KLHL38: variants seen among roughly 807,000 people sequenced by gnomAD.
KLHL38 encodes kelch like family member 38, also known as kelch-like protein 38.
A neutral mutation model predicts 39.6 loss-of-function variants in KLHL38; 38 were observed. The ratio of observed to expected loss-of-function variants is 0.96; its 90% CI spans 0.74 to 1.26. The LOEUF is 1.26. KLHL38 is among the 50% of genes most tolerant of loss of function. The probability of loss-of-function intolerance (pLI) is 0.00; values close to 1 mark genes in which losing one functional copy is unlikely to be tolerated. For missense variants in KLHL38, 803 were observed against 748.1 expected, an observed-to-expected ratio of 1.07 and a Z score of -0.86; for synonymous variants, 322 against 302.2, an observed-to-expected ratio of 1.07 and a Z score of -0.68.
intron 2 of KLHL38, 28 bp from the exon 3 acceptor site, chr8:123,647,042 G>A (rs747814242): frequency 8.3e-7 from 1 of 1,208,550 alleles, no homozygotes; most frequent in East Asian, 2.3e-5. Context: ...TCATGGCACT[G>A]CATTTTAAAG....
In KLHL38 at chr8:123,652,401, A is replaced by T; in HGVS notation, c.526T>A (p.Cys176Ser). Residue 176 changes from cysteine to serine, a missense_variant, in exon 2 of 4, where the codon TGT becomes AGT. Coordinates refer to ENST00000684634, the MANE Select transcript of KLHL38 (RefSeq NM_001081675.3). Reference sequence around the variant, plus strand: ...AGATAGTCCCTCAACTCCAAGGCACAGAGCTCCTTCAGGTCGGCCGATGCG... The same window carrying T: ...AGATAGTCCCTCAACTCCAAGGCACTGAGCTCCTTCAGGTCGGCCGATGCG... Reference protein sequence around the residue: ...VAASADLKELCALELRDYLGD... With the variant: ...VAASADLKELSALELRDYLGD... 1 of 1,614,088 alleles carries T rather than the reference A, an allele frequency of 6.2e-7. No homozygotes were observed. Among genetic ancestry groups the T allele is most frequent in the Non-Finnish European group, 8.5e-7 (1 of 1,180,028 alleles).
At position 123,645,459 on chromosome 8, in the gene KLHL38, G is replaced by C; in HGVS notation, c.*280C>G. 1 of 453,506 alleles carries C rather than the reference G, an allele frequency of 2.2e-6. No homozygotes were observed. The highest frequency in any genetic ancestry group is 3.8e-5 in the South Asian group (1 of 26,070). The allele number at this position is 453,506 out of a possible 1,614,324, so 28.1% of individuals were successfully genotyped here. A position where few individuals can be genotyped will look rare whatever the true frequency, so the allele number is the denominator to read the frequency against. On this transcript the variant is annotated 3_prime_UTR_variant, in exon 4 of 4. Coordinates refer to ENST00000684634, the MANE Select transcript of KLHL38 (RefSeq NM_001081675.3). ...CTCAAAAAAAAGAAAAAGAGAGAGA[G>C]AGAGAGAGAGAGAGAGAGAGACAGA...
In KLHL38 at chr8:123,652,774, C is replaced by A. The variant is rs1563594330; in HGVS notation, c.153G>T (p.Val51=). The A allele has an allele frequency of 6.2e-7, 1 of 1,614,140 alleles. No homozygotes were observed. ...GAREIPCHRN[V]LASSSPYFRA... ...TGAAGTAGGGGCTGCTGGAGGCCAG[C>A]ACGTTGCGGTGGCAGGGGATCTCCC... is the stretch of plus-strand genomic sequence containing the variant. The change falls in exon 2 of 4, where the codon GTG becomes GTT. Residue 51 remains valine, a synonymous_variant. Coordinates refer to ENST00000684634, the MANE Select transcript of KLHL38 (RefSeq NM_001081675.3).
chr8:123,651,789 C>A lies in KLHL38; in HGVS notation c.1138G>T (p.Ala380Ser), dbSNP rs1812650605. The part of the protein sequence containing the change: ...LVARYSHRST[A>S]HKNFIFSIGG... ...ATGGAGAAGATGAAGTTCTTATGGG[C>A]AGTGCTTCTGTGGGAGTAGCGGGCC... Residue 380 changes from alanine (A) to serine (S), a missense_variant, in exon 2 of 4, where the codon GCC becomes TCC. Physicochemically the swap from Ala to Ser is moderately conservative, Grantham distance 99 (BLOSUM62 1). Transcript: ENST00000684634. The A allele has an allele frequency of 6.2e-7, 1 of 1,613,992 alleles. No homozygotes were observed. The highest frequency in any genetic ancestry group is 1.3e-5 in the African/African-American group (1 of 74,930).
intron 2 of KLHL38, among the ~76,000 whole-genome samples, chr8:123,648,511 C>T (rs1395179444): frequency 2.0e-5 from 3 of 152,178 alleles, no homozygotes; most frequent in Non-Finnish European, 2.9e-5. Context: ...AAAGTGGGAT[C>T]CTTGGAAGAA....
rs1812676786 is a variant in KLHL38 at position 123,652,670 on chromosome 8, T to C, written c.257A>G (p.Asp86Gly). The change falls in exon 2 of 4, where the codon GAC becomes GGC. Residue 86 changes from aspartate (D) to glycine (G), a missense_variant. Asp to Gly is a moderately conservative substitution (Grantham distance 94, BLOSUM62 -1). Coordinates refer to ENST00000684634, the MANE Select transcript of KLHL38 (RefSeq NM_001081675.3). ...CGTATACACGTAGGAGACGATCTGG[T>C]CCAGGGTTGGGGGGTCAATGCCTTT... ...QLKGIDPPTL[D>G]QIVSYVYTGE... is the part of the protein sequence containing the mutation. 2.5e-6 allele frequency: 4 copies of C among 1,614,078 alleles called. No individual in the cohort carries two copies. Among genetic ancestry groups the C allele is most frequent in the Non-Finnish European group, 3.4e-6 (4 of 1,180,040 alleles).
In KLHL38 at chr8:123,651,784, A is replaced by G; in HGVS notation, c.1143T>C (p.His381=). The change falls in exon 2 of 4, where the codon CAT becomes CAC. Residue 381 remains histidine, a synonymous_variant. Transcript: ENST00000684634. The part of the protein sequence containing the change: ...VARYSHRSTA[H]KNFIFSIGGI... ...CCCCGATGGAGAAGATGAAGTTCTT[A>G]TGGGCAGTGCTTCTGTGGGAGTAGC... The G allele has an allele frequency of 1.2e-6, 2 of 1,614,138 alleles. No homozygotes were observed. The highest frequency in any genetic ancestry group is 8.5e-7 in the Non-Finnish European group (1 of 1,180,026).
Position 123,645,481 on chromosome 8 carries a change from C to T in KLHL38, c.*258G>A, listed in dbSNP as rs865817009. On this transcript the variant is annotated 3_prime_UTR_variant, in exon 4 of 4. Transcript: ENST00000684634. ...AGAGAGAGAGAGAGAGAGAGAGAGA[C>T]AGACAGAGATAGGGGAGAGAAAGAA... 1 of 416,376 alleles carries T rather than the reference C, an allele frequency of 2.4e-6. No homozygotes were observed. Among genetic ancestry groups the T allele is most frequent in the Non-Finnish European group, 4.0e-6 (1 of 250,266 alleles). 25.8% of individuals were successfully genotyped at this position (416,376 alleles called of 1,614,324 possible).
chr8:123,646,854 TCCATAGAAGG>T, intron 3 of KLHL38, 45 bp downstream of exon 3: 6 of 1,235,568 alleles, frequency 4.9e-6, no homozygotes, highest in Middle Eastern at 1.9e-4. Context: ...TGACCTTTTT[TCCATAGAAGG>T]TGCCAAGTTT....
rs774943012 is a variant in KLHL38, at chr8:123,646,046, C to T, written c.1457-18G>A. 1 of 1,611,658 alleles carries T rather than the reference C, an allele frequency of 6.2e-7. No individual in the cohort carries two copies. The highest frequency in any genetic ancestry group is 8.5e-7 in the Non-Finnish European group (1 of 1,177,852). On this transcript the variant is annotated intron_variant, in intron 3 of 3. Coordinates refer to ENST00000684634, the MANE Select transcript of KLHL38 (RefSeq NM_001081675.3). ...TGTGTAACCTGAAAACCAAATGACA[C>T]ATGGGCAAGCTCAGTGTTGCTCATC... is the stretch of plus-strand genomic sequence containing the variant.
At chr8:123,647,950 G>A (rs1818690758) in intron 2 of KLHL38, among the ~76,000 whole-genome samples, 1 of 152,060 alleles carries the variant, frequency 6.6e-6, no homozygotes, top group Non-Finnish European at 1.5e-5. Context: ...GTGTGGTAGT[G>A]CATGCCTGTA....
At chr8:123,650,278 G>T (rs1055983439) in intron 2 of KLHL38, among the ~76,000 whole-genome samples, 1 of 151,974 alleles carries the variant, frequency 6.6e-6, no homozygotes, top group African/African-American at 2.4e-5. Flanking sequence ...CACACATAAA[G>T]CACACTAACA....
chr8:123,647,009 A>G lies in KLHL38; in HGVS notation c.1356T>C (p.Tyr452=). The part of the protein sequence containing the change: ...MQNPVRLIQV[Y]HISRNSWFKM... ...TGAACCACGAGTTTCTGGAAATGTG[A>G]TAAACCTGAGGGAGAGAGAGAATCA... is the stretch of plus-strand genomic sequence containing the variant. Residue 452 remains tyrosine (Y), a synonymous_variant, in exon 3 of 4, where the codon TAT becomes TAC. Coordinates refer to ENST00000684634, the MANE Select transcript of KLHL38 (RefSeq NM_001081675.3). 1 of 1,581,950 alleles carries G rather than the reference A, an allele frequency of 6.3e-7. No individual in the cohort carries two copies. The highest frequency in any genetic ancestry group is 8.7e-7 in the Non-Finnish European group (1 of 1,151,214).
Position 123,645,583 on chromosome 8 carries a change from C to T in KLHL38, c.*156G>A. On this transcript the variant is annotated 3_prime_UTR_variant, in exon 4 of 4. Coordinates refer to ENST00000684634, the MANE Select transcript of KLHL38 (RefSeq NM_001081675.3). ...GAGGCAGAGAAGGAGAGAGAGAGTT[C>T]TGGCAATGCAATGCCTAGTTCCAGG... The T allele has an allele frequency of 3.0e-6, 2 of 672,272 alleles. No individual in the cohort carries two copies. The highest frequency in any genetic ancestry group is 5.1e-6 in the Non-Finnish European group (2 of 395,042). The allele number at this position is 672,272 out of a possible 1,614,324, so 41.6% of individuals were successfully genotyped here.
intron 1 of KLHL38, 135 bp from the exon 2 acceptor site, chr8:123,653,062 C>T (rs1812689551): frequency 1.1e-6 from 1 of 870,054 alleles, no homozygotes; most frequent in Non-Finnish European, 1.7e-6. Context: ...GCGGATGTCA[C>T]CATGGATATT....
Position 123,645,964 on chromosome 8 carries a change from C to T in KLHL38, c.1521G>A (p.Met507Ile). ...CCCCATGGTGCATCCTCCGGTCTTT[C>T]ATGTCCGCACATTTGACAAATTTGT... ...QSNKFVKCAD[M>I]KDRRMHHGAT... Residue 507 changes from methionine (M) to isoleucine (I), a missense_variant, in exon 4 of 4, where the codon ATG becomes ATA. Coordinates refer to ENST00000684634, the MANE Select transcript of KLHL38 (RefSeq NM_001081675.3). 1 of 1,614,140 alleles carries T rather than the reference C, an allele frequency of 6.2e-7. No homozygotes were observed.
Position 123,645,150 on chromosome 8 carries a change from G to C in KLHL38, c.*589C>G, listed in dbSNP as rs540748452. ...AGAGAGACAGAAACTGAGACAGAAA[G>C]GAGACAGGCCAGGCGTGGTGGCTCA... is the stretch of plus-strand genomic sequence containing the variant. On this transcript the variant is annotated 3_prime_UTR_variant, in exon 4 of 4. Coordinates refer to ENST00000684634, the MANE Select transcript of KLHL38 (RefSeq NM_001081675.3). Among the ~76,000 whole-genome samples the C allele has an allele frequency of 2.0e-5, 3 of 151,962 alleles. No individual in the cohort carries two copies. In the East Asian group the frequency reaches 5.9e-4, roughly 30 times the overall value.
rs2129734169 is a variant in KLHL38 at position 123,645,000 on chromosome 8, C to T, written c.*739G>A. Among the ~76,000 whole-genome samples the T allele has an allele frequency of 1.4e-5, 2 of 146,738 alleles. No individual in the cohort carries two copies. The highest frequency in any genetic ancestry group is 4.0e-4 in the East Asian group (2 of 4,980). On this transcript the variant is annotated 3_prime_UTR_variant, in exon 4 of 4. Coordinates refer to ENST00000684634, the MANE Select transcript of KLHL38 (RefSeq NM_001081675.3). ...GAAGATTGCTAGAGAGAGAGGAAAACCTAGGGATGAGAGAGAGGAAGACAG... is the reference window on the plus strand; with the variant it reads ...GAAGATTGCTAGAGAGAGAGGAAAATCTAGGGATGAGAGAGAGGAAGACAG...
At position 123,652,425 on chromosome 8, in the gene KLHL38, C is replaced by G; in HGVS notation, c.502G>C (p.Ala168Pro). Residue 168 changes from alanine (A) to proline (P), a missense_variant, in exon 2 of 4, where the codon GCA (alanine) becomes CCA (proline). Coordinates refer to ENST00000684634, the MANE Select transcript of KLHL38 (RefSeq NM_001081675.3). ...CAGAGCTCCTTCAGGTCGGCCGATG[C>G]GGCCACCTCTGGGAAGGACGTCAGT... ...VALTSFPEVAASADLKELCAL... is the reference protein window; with the variant it reads ...VALTSFPEVAPSADLKELCAL... 6.2e-7 allele frequency: 1 copy of G among 1,614,146 alleles called. No homozygotes were observed.
Sources: gnomAD v4.1 joint callset for allele counts (sites outside exome capture counted in the v4.1 genomes callset) on GRCh38, gnomAD v4.1.1 for gene constraint, MANE v1.5 for transcripts, NCBI Gene and HGNC (gene_info 2026-07-23, HGNC 2026-07-21) for gene names.